Variants in PHACTR2 observed in about 807,000 individuals in gnomAD.
PHACTR2 encodes chromosome 6 open reading frame 56.
A neutral mutation model predicts 76.0 loss-of-function variants in PHACTR2; 30 were observed. The ratio of observed to expected loss-of-function variants is 0.39; its 90% CI spans 0.30 to 0.54. The LOEUF (loss-of-function observed/expected upper bound fraction) is 0.54, where lower values mean the gene tolerates loss of function less well. Among genes scored for constraint, PHACTR2 ranks in the 20% least tolerant of loss-of-function variants. PHACTR2 has a pLI of 0.61. For synonymous variants in PHACTR2, 292 were observed against 292.5 expected, an observed-to-expected ratio of 1.00 and a Z score of 0.02; for missense variants, 696 against 781.1, an observed-to-expected ratio of 0.89 and a Z score of 1.30.
Position 143,784,691 on chromosome 6 carries a change from G to GA in PHACTR2, c.1707+1416dup, listed in dbSNP as rs764470899. 2.9e-4 allele frequency among the ~76,000 whole-genome samples: 44 copies of GA among 152,190 alleles called. No homozygotes were observed. Among genetic ancestry groups the GA allele is most frequent in the Non-Finnish European group, 4.9e-4 (33 of 68,020 alleles). On this transcript the variant is annotated intron_variant, in intron 10 of 12. Transcript: ENST00000440869. This position sits in a 1 kb window ranked among gnomAD's most constrained non-coding sequence, Gnocchi z 4.5. Reference sequence around the variant, plus strand: ...ATAAAGACACACCTGAGACTGGGAAGAAAAAGAGATTTAATTGGACTTATA... The same window carrying GA: ...ATAAAGACACACCTGAGACTGGGAAGAAAAAAGAGATTTAATTGGACTTATA...
chr6:143,771,629 G>C (rs1775146686), intron 6 of PHACTR2, among the ~76,000 whole-genome samples: 1 of 151,688 alleles, frequency 6.6e-6, no homozygotes, highest in African/African-American at 2.4e-5. Context: ...GTGGAGACAA[G>C]GTCCCCTATG....
At chr6:143,622,841 G>A (rs896942774) in intron 1 of PHACTR2, among the ~76,000 whole-genome samples, 2 of 152,218 alleles carry the variant, frequency 1.3e-5, no homozygotes, top group East Asian at 1.9e-4. Flanking sequence ...AGTAACAAGT[G>A]TATTGAATTT....
intron 1 of PHACTR2, among the ~76,000 whole-genome samples, chr6:143,635,778 T>C (rs911289953): frequency 6.6e-6 from 1 of 152,242 alleles, no homozygotes; most frequent in Non-Finnish European, 1.5e-5. Flanking sequence ...TATTATGCCT[T>C]TATCATGAAT....
chr6:143,563,250 G>A (rs1489189277), intron 1 of PHACTR2, among the ~76,000 whole-genome samples: 2 of 152,096 alleles, frequency 1.3e-5, no homozygotes, highest in Non-Finnish European at 2.9e-5. Context: ...CCAGTTACGT[G>A]TGAGACAGGG....
intron 2 of PHACTR2, among the ~76,000 whole-genome samples, chr6:143,717,886 T>G (rs1323165714): frequency 6.6e-6 from 1 of 152,156 alleles, no homozygotes; most frequent in African/African-American, 2.4e-5. Context: ...CTTTGGGACT[T>G]TATAAAAGAA....
Position 143,648,151 on chromosome 6 carries a change from A to G in PHACTR2, c.13+39829A>G, listed in dbSNP as rs1226835670. Among the ~76,000 whole-genome samples, 1 of 152,166 alleles carries G rather than the reference A, an allele frequency of 6.6e-6. No homozygotes were observed. The highest frequency in any genetic ancestry group is 1.5e-5 in the Non-Finnish European group (1 of 68,026). ...CGTTGGTGGCAGGAACAAAACTCAT[A>G]GCAGCATAGTGCAAGAATACAGACA... On this transcript the variant is annotated intron_variant, in intron 1 of 11. Coordinates refer to the PHACTR2 transcript ENST00000305766. This position sits in a 1 kb window ranked among gnomAD's most constrained non-coding sequence, Gnocchi z 6.7.
intron 1 of PHACTR2, among the ~76,000 whole-genome samples, chr6:143,574,468 G>C (rs1775482774): frequency 6.6e-6 from 1 of 151,984 alleles, no homozygotes; most frequent in South Asian, 2.1e-4. Context: ...CATAAAAGTG[G>C]GTTCAATGTC....
At position 143,761,126 on chromosome 6, in the gene PHACTR2, CTGATAAA is replaced by C. The variant is rs1455532759; in HGVS notation, c.694+490_694+496del. Among the ~76,000 whole-genome samples the C allele has an allele frequency of 6.6e-5, 10 of 152,212 alleles. No individual in the cohort carries two copies. The highest frequency in any genetic ancestry group is 1.3e-4 in the Non-Finnish European group (9 of 68,036). On this transcript the variant is annotated intron_variant, in intron 5 of 12. Coordinates refer to ENST00000440869, the MANE Select transcript of PHACTR2 (RefSeq NM_001100164.2). The surrounding 1 kb of genome is among the most constrained non-coding windows in gnomAD (Gnocchi z 5.2). Reference sequence around the variant, plus strand: ...CTCAGCATCCATAGTCATCTCCCTTCTGATAAATGACAAAGGGTTCATGTCACTTGTT... The same window carrying C: ...CTCAGCATCCATAGTCATCTCCCTTCTGACAAAGGGTTCATGTCACTTGTT...
chr6:143,804,640 T>C (rs573701836), intron 11 of PHACTR2, among the ~76,000 whole-genome samples: 1 of 152,222 alleles, frequency 6.6e-6, no homozygotes, highest in Admixed American at 6.5e-5. Flanking sequence ...AGCACACAAT[T>C]TACAATTGTA....
intron 1 of PHACTR2, among the ~76,000 whole-genome samples, chr6:143,545,629 C>G (rs1774978880): frequency 6.6e-6 from 1 of 152,118 alleles, no homozygotes; most frequent in Non-Finnish European, 1.5e-5. Context: ...CCTCAGGCAG[C>G]AGGGAAGGAA....
Position 143,807,338 on chromosome 6 carries a change from A to G in PHACTR2, c.1922+205A>G, listed in dbSNP as rs935567421. ...TCACATTCATCCTTGTTGGCTTTTAAGAACCTAATAGTCAATGTGACAGTT... is the reference window on the plus strand; with the variant it reads ...TCACATTCATCCTTGTTGGCTTTTAGGAACCTAATAGTCAATGTGACAGTT... On this transcript the variant is annotated intron_variant, in intron 12 of 12. Transcript: ENST00000440869. This position sits in a 1 kb window ranked among gnomAD's most constrained non-coding sequence, Gnocchi z 5.5. Among the ~76,000 whole-genome samples, 1 of 152,268 alleles carries G rather than the reference A, an allele frequency of 6.6e-6. No homozygotes were observed. The highest frequency in any genetic ancestry group is 2.4e-5 in the African/African-American group (1 of 41,474).
intron 2 of PHACTR2, among the ~76,000 whole-genome samples, chr6:143,746,104 C>T (rs1036515800): frequency 6.6e-6 from 1 of 152,158 alleles, no homozygotes; most frequent in African/African-American, 2.4e-5. Flanking sequence ...CAAGAACGAA[C>T]GTTTTAAAAG....
At chr6:143,705,215 T>G (rs900866977) in intron 1 of PHACTR2, among the ~76,000 whole-genome samples, 10 of 151,432 alleles carry the variant, frequency 6.6e-5, no homozygotes, top group African/African-American at 2.4e-4. Flanking sequence ...ACTTGCTGAG[T>G]TCAAGTGATT....
rs2128475771 is a variant in PHACTR2, at chr6:143,774,163, T to C, written c.1537T>C (p.Ser513Pro). 2 of 1,614,060 alleles carry C rather than the reference T, an allele frequency of 1.2e-6. No individual in the cohort carries two copies. Among genetic ancestry groups the C allele is most frequent in the Non-Finnish European group, 1.7e-6 (2 of 1,179,944 alleles). Reference protein sequence around the residue: ...LEDKNILQRTSEEERQEIRQQ... With the variant: ...LEDKNILQRTPEEERQEIRQQ... ...GGACAAAAACATCTTGCAGCGTACA[T>C]CTGAAGAAGAGAGGCAGGAAATCCG... Residue 513 changes from serine (S) to proline (P), a missense_variant, in exon 8 of 13, where the codon TCT becomes CCT. Physicochemically the swap from Ser to Pro is moderately conservative, Grantham distance 74. Transcript: ENST00000440869. The surrounding 1 kb of genome is among the most constrained non-coding windows in gnomAD (Gnocchi z 5.4).
intron 1 of PHACTR2, among the ~76,000 whole-genome samples, chr6:143,629,010 A>T (rs1306363615): frequency 7.1e-6 from 1 of 141,604 alleles, no homozygotes; most frequent in African/African-American, 2.7e-5. Flanking sequence ...AGATGGCCTT[A>T]TTCAACTCTT....
upstream of PHACTR2, among the ~76,000 whole-genome samples, chr6:143,607,926 T>C (rs1351755860): frequency 6.6e-6 from 1 of 152,244 alleles, no homozygotes; most frequent in African/African-American, 2.4e-5. Context: ...CTCTTCCTGC[T>C]CCTGTTTGCC....
At chr6:143,759,706 A>G (rs1296943412) in intron 4 of PHACTR2, among the ~76,000 whole-genome samples, 1 of 151,770 alleles carries the variant, frequency 6.6e-6, no homozygotes, top group Non-Finnish European at 1.5e-5. Context: ...AAGAAAAGGA[A>G]GGAAGGAAAG....
intron 5 of PHACTR2, among the ~76,000 whole-genome samples, chr6:143,762,735 A>T (rs963977867): frequency 6.6e-6 from 1 of 152,236 alleles, no homozygotes; most frequent in Non-Finnish European, 1.5e-5. Flanking sequence ...TTACTAAGTT[A>T]GTGTAGACCT....
Position 143,754,242 on chromosome 6 carries a change from G to A in PHACTR2, c.454+330G>A, listed in dbSNP as rs1321089783. 2 of 171,530 alleles carry A rather than the reference G, an allele frequency of 1.2e-5. No individual in the cohort carries two copies. The highest frequency in any genetic ancestry group is 4.8e-5 in the African/African-American group (2 of 41,802). 10.6% of individuals were successfully genotyped at this position (171,530 alleles called of 1,614,324 possible). On this transcript the variant is annotated intron_variant, in intron 4 of 12. Coordinates refer to ENST00000440869, the MANE Select transcript of PHACTR2 (RefSeq NM_001100164.2). The surrounding 1 kb of genome is among the most constrained non-coding windows in gnomAD (Gnocchi z 6.2). The stretch of plus-strand genomic sequence containing the variant: ...GCTTTGTCTCAGGATCATAATGAAA[G>A]TGAGAAATCTGAACATCTTTCTCTG...
Sources: allele counts gnomAD v4.1 joint callset (sites outside exome capture counted in the v4.1 genomes callset), GRCh38; gene constraint gnomAD v4.1.1; non-coding constraint Gnocchi (gnomAD v3.1); transcripts MANE v1.5; gene names NCBI Gene and HGNC (gene_info 2026-07-23, HGNC 2026-07-21).